Variants in FAM193A observed in about 807,000 individuals in gnomAD.
FAM193A encodes family with sequence similarity 193 member A.
In FAM193A, 22 loss-of-function variants were observed where a neutral mutation model predicts 126.5. The observed-to-expected ratio is 0.17, with a 90% confidence interval of 0.12 to 0.25. The LOEUF (loss-of-function observed/expected upper bound fraction) is 0.25, where lower values mean the gene tolerates loss of function less well. Among genes scored for constraint, FAM193A ranks in the 10% least tolerant of loss-of-function variants. The pLI, the probability that FAM193A is intolerant of heterozygous loss-of-function variation, is 1.00. For synonymous variants in FAM193A, 761 were observed against 646.8 expected (o/e 1.18, Z -2.68); for missense variants, 1,675 against 1,672.8 (o/e 1.00, Z -0.02).
chr4:2,585,930 A>C (rs1577041293), intron 1 of FAM193A, among the ~76,000 whole-genome samples: 2 of 152,072 alleles, frequency 1.3e-5, no homozygotes. Flanking sequence ...CTGCATCTCA[A>C]AAAATAAATA....
At chr4:2,592,432 C>T (rs1028322047) in intron 1 of FAM193A, among the ~76,000 whole-genome samples, 2 of 152,176 alleles carry the variant, frequency 1.3e-5, no homozygotes, top group African/African-American at 4.8e-5. Context: ...TAGATTTCTG[C>T]TTCCAAGCAA....
At position 2,657,885 on chromosome 4, in the gene FAM193A, G is replaced by A; in HGVS notation, c.1389+5G>A. 7 of 1,596,192 alleles carry A rather than the reference G, an allele frequency of 4.4e-6. No individual in the cohort carries two copies. Among genetic ancestry groups the A allele is most frequent in the East Asian group, 2.2e-5 (1 of 44,746 alleles). On this transcript the variant is annotated splice_donor_5th_base_variant and intron_variant, in intron 8 of 20. Coordinates refer to ENST00000637812, the MANE Select transcript of FAM193A (RefSeq NM_001366318.2). ...AGAAGATTCATTGAAGAACAGGTAA[G>A]CTTGTCAATAAGAGAGGCAATTAAA...
At position 2,659,967 on chromosome 4, in the gene FAM193A, C is replaced by T; in HGVS notation, c.1658C>T (p.Ala553Val). ...AGGAGCCCGCCCAGTGTGTCATCTG[C>T]AAGCTCGGGGTCCGGCTCCAGCTCT... Reference protein sequence around the residue: ...AERSPPSVSSASSGSGSSSPI... With the variant: ...AERSPPSVSSVSSGSGSSSPI... The change falls in exon 10 of 21, where the codon GCA becomes GTA. Residue 553 changes from alanine (A) to valine (V), a missense_variant. Around this residue, in one of 4 missense-constraint regions of FAM193A, gnomAD observed 1,186 missense variants for 1,109.2 expected, o/e 1.07. Coordinates refer to ENST00000637812, the MANE Select transcript of FAM193A (RefSeq NM_001366318.2). 3 of 1,614,212 alleles carry T rather than the reference C, an allele frequency of 1.9e-6. No individual in the cohort carries two copies. Among genetic ancestry groups the T allele is most frequent in the Non-Finnish European group, 1.7e-6 (2 of 1,180,046 alleles).
At chr4:2,660,787 G>A (rs1320549731) in intron 10 of FAM193A, among the ~76,000 whole-genome samples, 1 of 152,174 alleles carries the variant, frequency 6.6e-6, no homozygotes, top group Non-Finnish European at 1.5e-5. Context: ...CTTCTGTCTG[G>A]ATTTCTCATG....
At chr4:2,568,766 T>C (rs965634098) in intron 1 of FAM193A, among the ~76,000 whole-genome samples, 1 of 152,150 alleles carries the variant, frequency 6.6e-6, no homozygotes, top group East Asian at 1.9e-4. Context: ...AACGATTGCT[T>C]GAATGTGGCT....
intron 11 of FAM193A, 27 bp downstream of exon 11, chr4:2,663,018 CAATA>C: frequency 6.3e-7 from 1 of 1,598,990 alleles, no homozygotes; most frequent in Non-Finnish European, 8.6e-7. Context: ...TTCGTAGCAA[CAATA>C]AATGACATAA....
chr4:2,595,927 A>G (rs925825533), intron 1 of FAM193A, among the ~76,000 whole-genome samples, 157 bp from the exon 2 acceptor site: 2 of 152,246 alleles, frequency 1.3e-5, no homozygotes, highest in African/African-American at 4.8e-5. Context: ...ACGAGTTTCT[A>G]GAACATTAGG....
chr4:2,595,240 A>G (rs549031442), intron 1 of FAM193A, among the ~76,000 whole-genome samples: 10 of 152,164 alleles, frequency 6.6e-5, no homozygotes, highest in Non-Finnish European at 1.0e-4. Context: ...GCAGAGGCGA[A>G]GTCTTGCTAT....
intron 2 of FAM193A, among the ~76,000 whole-genome samples, chr4:2,600,001 G>A (rs964422127): frequency 7.9e-5 from 12 of 152,140 alleles, no homozygotes; most frequent in African/African-American, 2.9e-4. Context: ...CTGGGTTCAG[G>A]TGATTCTCAT....
At chr4:2,690,505 G>A (rs1239225201) in intron 14 of FAM193A, among the ~76,000 whole-genome samples, 193 bp from the exon 15 acceptor site, 1 of 152,226 alleles carries the variant, frequency 6.6e-6, no homozygotes, top group African/African-American at 2.4e-5. Context: ...ACCTAGCACA[G>A]GAATTGGCAC....
At chr4:2,545,686 TAAA>T (rs1335173306) in intron 1 of FAM193A, among the ~76,000 whole-genome samples, 1 of 152,132 alleles carries the variant, frequency 6.6e-6, no homozygotes, top group African/African-American at 2.4e-5. Context: ...TGATACTAAT[TAAA>T]AAAATTTTTT....
intron 19 of FAM193A, among the ~76,000 whole-genome samples, chr4:2,704,055 C>G (rs913738248): frequency 1.3e-5 from 2 of 150,804 alleles, no homozygotes; most frequent in South Asian, 2.1e-4. Flanking sequence ...ATCACGAGGT[C>G]AGGAGATGGA....
At chr4:2,657,297 A>G (rs1282641816) in intron 7 of FAM193A, among the ~76,000 whole-genome samples, 1 of 152,076 alleles carries the variant, frequency 6.6e-6, no homozygotes, top group Non-Finnish European at 1.5e-5. Context: ...GGTTTTATTA[A>G]TCACATATGC....
intron 13 of FAM193A, among the ~76,000 whole-genome samples, chr4:2,676,039 C>T (rs1018893492): frequency 3.9e-5 from 6 of 152,200 alleles, no homozygotes; most frequent in Non-Finnish European, 7.3e-5. Context: ...TCAGTGAACA[C>T]GTGTTGTTTC....
intron 1 of FAM193A, among the ~76,000 whole-genome samples, chr4:2,544,999 C>CT (rs879903372): frequency 1.9e-3 from 275 of 146,850 alleles, no homozygotes; most frequent in African/African-American, 5.5e-3. Flanking sequence ...TTCTTTCTTT[C>CT]TTTTTTTTTT....
chr4:2,606,438 G>A (rs568063930), intron 2 of FAM193A, among the ~76,000 whole-genome samples: 1 of 152,320 alleles, frequency 6.6e-6, no homozygotes, highest in South Asian at 2.1e-4. Flanking sequence ...AGGTTGTTCT[G>A]ATTGAAGTAT....
intron 6 of FAM193A, among the ~76,000 whole-genome samples, chr4:2,640,990 C>G (rs1411858692): frequency 1.3e-5 from 2 of 151,878 alleles, no homozygotes; most frequent in Non-Finnish European, 2.9e-5. Context: ...GTTAGCTTCA[C>G]AAAGCAAGGG....
At chr4:2,655,187 C>A in intron 7 of FAM193A, 1 of 626,756 alleles carries the variant, frequency 1.6e-6, no homozygotes, top group Admixed American at 2.5e-5. Context: ...TACTTTCTAG[C>A]AAATTAAAGA....
At chr4:2,715,618 C>A in intron 19 of FAM193A, 1 of 599,942 alleles carries the variant, frequency 1.7e-6, no homozygotes, top group Non-Finnish European at 2.2e-6. Flanking sequence ...GCAGCTTCTG[C>A]TGGCAGCTGT....
Sources: gnomAD v4.1 joint callset for allele counts (sites outside exome capture counted in the v4.1 genomes callset) on GRCh38, gnomAD v4.1.1 for gene constraint, gnomAD v4.1.1 regional missense constraint, MANE v1.5 for transcripts, NCBI Gene and HGNC (gene_info 2026-07-23, HGNC 2026-07-21) for gene names.